ROBO2: variants seen among roughly 807,000 people sequenced by gnomAD.
ROBO2 encodes roundabout homolog 2.
In ROBO2, 53 loss-of-function variants were observed where a neutral mutation model predicts 160.8. The ratio of observed to expected loss-of-function variants is 0.33; its 90% CI spans 0.26 to 0.41. ROBO2 has a LOEUF of 0.41. Among genes scored for constraint, ROBO2 ranks in the 10% least tolerant of loss-of-function variants. ROBO2 has a pLI of 1.00. For synonymous variants in ROBO2, 664 were observed against 611.7 expected (o/e 1.09, Z -1.26); for missense variants, 1,577 against 1,722.4 (o/e 0.92, Z 1.49).
chr3:76,359,618 C>T (rs912098461), intron 2 of ROBO2, among the ~76,000 whole-genome samples: 12 of 151,970 alleles, frequency 7.9e-5, no homozygotes, highest in Non-Finnish European at 1.8e-4. Context: ...ATTTTTTTCT[C>T]AACATCATTT....
chr3:76,757,562 T>A (rs1423084341), intron 2 of ROBO2, among the ~76,000 whole-genome samples: 1 of 151,598 alleles, frequency 6.6e-6, no homozygotes, highest in African/African-American at 2.4e-5. Flanking sequence ...ATAATCAATT[T>A]TGATCTTACA....
At chr3:76,658,082 A>G (rs1390179999) in intron 2 of ROBO2, among the ~76,000 whole-genome samples, 3 of 146,900 alleles carry the variant, frequency 2.0e-5, no homozygotes, top group African/African-American at 7.5e-5. Context: ...ATAAATAAAT[A>G]AATAAATAAA....
intron 2 of ROBO2, among the ~76,000 whole-genome samples, chr3:77,404,221 G>C (rs900217817): frequency 1.3e-5 from 2 of 152,104 alleles, no homozygotes; most frequent in African/African-American, 2.4e-5. Context: ...TCATGTGTAA[G>C]TTTATGTACA....
intron 2 of ROBO2, among the ~76,000 whole-genome samples, chr3:76,265,061 G>T (rs138876748): frequency 0.017 from 2,620 of 152,098 alleles, 29 homozygotes; most frequent in Middle Eastern, 0.031. Flanking sequence ...GTATTTTCTA[G>T]CCAGTTGTTA....
intron 2 of ROBO2, among the ~76,000 whole-genome samples, chr3:77,255,073 G>A (rs2090780213): frequency 6.6e-6 from 1 of 152,182 alleles, no homozygotes; most frequent in East Asian, 1.9e-4. Flanking sequence ...AAAGATATAG[G>A]AAAGTAAATT....
At chr3:77,178,418 G>A (rs1260766496) in intron 2 of ROBO2, among the ~76,000 whole-genome samples, 4 of 151,964 alleles carry the variant, frequency 2.6e-5, no homozygotes, top group Admixed American at 2.6e-4. Flanking sequence ...TACTCTTTCA[G>A]TGTGTTTGCT....
chr3:76,028,166 C>T (rs1217182926), intron 2 of ROBO2, among the ~76,000 whole-genome samples: 1 of 151,666 alleles, frequency 6.6e-6, no homozygotes, highest in Non-Finnish European at 1.5e-5. Context: ...AGAAGAAATC[C>T]AAACATAAGC....
chr3:77,557,923 G>C, intron 8 of ROBO2, 21 bp from the exon 10 acceptor site: 1 of 1,583,886 alleles, frequency 6.3e-7, no homozygotes, highest in Non-Finnish European at 8.6e-7. Context: ...TAAAATACCT[G>C]AAAAGAGCTT....
At chr3:77,569,507 A>G (rs1227146370) in intron 13 of ROBO2, among the ~76,000 whole-genome samples, 1 of 151,938 alleles carries the variant, frequency 6.6e-6, no homozygotes, top group Non-Finnish European at 1.5e-5. Flanking sequence ...TTTTTGGACA[A>G]AGAGTTTGTC....
rs150526604 is a variant in ROBO2 at position 76,176,615 on chromosome 3, A to G, written c.109+239013A>G. Among the ~76,000 whole-genome samples, 578 of 152,254 alleles carry G rather than the reference A, an allele frequency of 3.8e-3. 5 individuals are homozygous for G. The highest frequency in any genetic ancestry group is 0.013 in the African/African-American group (548 of 41,578). On this transcript the variant is annotated intron_variant, in intron 2 of 26. Transcript: ENST00000487694. Reference sequence around the variant, plus strand: ...AGGTCTAAACAATGGATCTGTTAGGAGGAAGATATTAGGTTCCTCAAAACT... The same window carrying G: ...AGGTCTAAACAATGGATCTGTTAGGGGGAAGATATTAGGTTCCTCAAAACT...
At chr3:76,040,753 C>T (rs1169839902) in intron 2 of ROBO2, among the ~76,000 whole-genome samples, 2 of 151,944 alleles carry the variant, frequency 1.3e-5, no homozygotes, top group Non-Finnish European at 2.9e-5. Context: ...TTTGGGAGGC[C>T]AAGGAGGGTG....
intron 2 of ROBO2, among the ~76,000 whole-genome samples, chr3:76,742,592 G>T (rs2093820220): frequency 1.3e-5 from 2 of 152,054 alleles, no homozygotes; most frequent in East Asian, 3.9e-4. Flanking sequence ...AAAACCTGTA[G>T]TATAATTTTA....
intron 2 of ROBO2, among the ~76,000 whole-genome samples, chr3:76,736,054 C>A (rs972896091): frequency 6.6e-6 from 1 of 151,556 alleles, no homozygotes; most frequent in Non-Finnish European, 1.5e-5. Context: ...GAGGCCGAGG[C>A]GGGCGGATCA....
intron 2 of ROBO2, among the ~76,000 whole-genome samples, chr3:76,880,332 A>G (rs570396085): frequency 2.0e-5 from 3 of 152,300 alleles, no homozygotes; most frequent in African/African-American, 7.2e-5. Flanking sequence ...AAATTTTGAA[A>G]TAAGAAATGC....
intron 1 of ROBO2, among the ~76,000 whole-genome samples, chr3:77,087,967 C>T (rs2069567056): frequency 6.6e-6 from 1 of 152,086 alleles, no homozygotes; most frequent in Non-Finnish European, 1.5e-5. Flanking sequence ...GCTTCTGACT[C>T]TAACTTACAC....
chr3:76,618,916 A>G (rs964206161), intron 2 of ROBO2, among the ~76,000 whole-genome samples: 6 of 151,872 alleles, frequency 4.0e-5, no homozygotes, highest in Non-Finnish European at 7.3e-5. Context: ...CACCCCCAGG[A>G]GTAATTCAGC....
At chr3:76,993,815 T>A (rs1014724162) in intron 2 of ROBO2, among the ~76,000 whole-genome samples, 1 of 152,112 alleles carries the variant, frequency 6.6e-6, no homozygotes, top group Non-Finnish European at 1.5e-5. Flanking sequence ...ATGCATTTCC[T>A]GTCAACCATT....
chr3:76,191,572 TATTC>T (rs1031015414), intron 2 of ROBO2, among the ~76,000 whole-genome samples: 7 of 152,266 alleles, frequency 4.6e-5, no homozygotes, highest in East Asian at 1.9e-4. Flanking sequence ...TCTTCTTTTT[TATTC>T]ATTCATTCAT....
At chr3:76,278,827 A>G (rs949206293) in intron 2 of ROBO2, among the ~76,000 whole-genome samples, 2 of 151,880 alleles carry the variant, frequency 1.3e-5, no homozygotes, top group African/African-American at 4.8e-5. Context: ...TTTGGAGAGA[A>G]TGTGAACGCC....
Sources: gnomAD v4.1 joint callset for allele counts (sites outside exome capture counted in the v4.1 genomes callset) on GRCh38, gnomAD v4.1.1 for gene constraint, MANE v1.5 for transcripts, NCBI Gene and HGNC (gene_info 2026-07-23, HGNC 2026-07-21) for gene names.